Variants in TENM3 observed in about 807,000 individuals in gnomAD.
The protein encoded by TENM3 is teneurin-3.
In TENM3, 63 loss-of-function variants were observed where a neutral mutation model predicts 255.1. The observed-to-expected ratio is 0.25, with a 90% confidence interval of 0.20 to 0.30. The LOEUF (loss-of-function observed/expected upper bound fraction) is 0.30, where lower values mean the gene tolerates loss of function less well. Ranked by LOEUF, TENM3 falls within the 10% of genes least tolerant of loss-of-function variation. The pLI, the probability that TENM3 is intolerant of heterozygous loss-of-function variation, is 1.00. For synonymous variants in TENM3, 1,306 were observed against 1,322.3 expected, an observed-to-expected ratio of 0.99 and a Z score of 0.27; for missense variants, 2,929 against 3,461.1, an observed-to-expected ratio of 0.85 and a Z score of 3.86.
intron 7 of TENM3, among the ~76,000 whole-genome samples, chr4:182,678,759 A>G (rs1401603582): frequency 7.2e-6 from 1 of 139,720 alleles, no homozygotes; most frequent in Non-Finnish European, 1.6e-5. Context: ...ATGTTAAATC[A>G]GAGAAGACTG....
At chr4:181,922,321 C>G in the TENM3 span, among the ~76,000 whole-genome samples, 1 of 152,178 alleles carries the variant, frequency 6.6e-6, no homozygotes, top group South Asian at 2.1e-4. Context: ...ACCAATTCCT[C>G]CTTGTACCTC....
At chr4:182,355,267 A>T (rs923679892) in intron 3 of TENM3, among the ~76,000 whole-genome samples, 1 of 152,192 alleles carries the variant, frequency 6.6e-6, no homozygotes, top group Non-Finnish European at 1.5e-5. Context: ...CAAAAGCCAC[A>T]AGGAGTTTGA....
At chr4:182,168,147 T>C (rs1751846139) in intron 1 of TENM3, among the ~76,000 whole-genome samples, 1 of 151,916 alleles carries the variant, frequency 6.6e-6, no homozygotes, top group Non-Finnish European at 1.5e-5. Flanking sequence ...TTCTTTTTTT[T>C]TTTTCGAGAC....
intron 1 of TENM3, among the ~76,000 whole-genome samples, chr4:182,155,329 T>G (rs1750629957): frequency 6.6e-6 from 1 of 152,138 alleles, no homozygotes; most frequent in Admixed American, 6.6e-5. Context: ...ACAGTATAAG[T>G]AATTCTGGTG....
rs552838861 is a variant in TENM3 at position 182,708,671 on chromosome 4, G to A, written c.2222-5416G>A. ...AAATTAGCCAGGTGTGGTGGCGGGC[G>A]CCTGTAGTCCCAGCTACTCAGGAGG... On this transcript the variant is annotated intron_variant, in intron 12 of 27. Transcript: ENST00000511685. Among the ~76,000 whole-genome samples the A allele has an allele frequency of 5.3e-5, 8 of 152,152 alleles. No homozygotes were observed. The East Asian group carries it at 5.9e-4, about 11-fold the overall frequency.
At chr4:182,346,993 C>CGT in intron 3 of TENM3, 64 bp downstream of exon 3, 2 of 1,045,604 alleles carry the variant, frequency 1.9e-6, no homozygotes, top group Non-Finnish European at 2.5e-6. Context: ...TGGTTGACTC[C>CGT]GCGGGGGGGG....
the TENM3 span, among the ~76,000 whole-genome samples, chr4:182,066,711 C>G: frequency 2.6e-5 from 4 of 151,446 alleles, no homozygotes; most frequent in Non-Finnish European, 5.9e-5. Flanking sequence ...GAGATCGAGA[C>G]CGTCCTGGCT....
At chr4:182,094,473 C>G in the TENM3 span, among the ~76,000 whole-genome samples, 4 of 152,286 alleles carry the variant, frequency 2.6e-5, no homozygotes, top group East Asian at 7.7e-4. Flanking sequence ...GTCTCGAACT[C>G]CTGACGTTGT....
rs570081391 is a variant in TENM3, at chr4:182,784,953, C to G, written c.5305-4140C>G. Among the ~76,000 whole-genome samples the G allele has an allele frequency of 4.6e-5, 7 of 152,326 alleles. No individual in the cohort carries two copies. The East Asian group carries it at 1.4e-3, about 29-fold the overall frequency. On this transcript the variant is annotated intron_variant, in intron 24 of 27. Coordinates refer to ENST00000511685, the MANE Select transcript of TENM3 (RefSeq NM_001080477.4). Reference sequence around the variant, plus strand: ...GCACCCACTGACCTGCGCCCACTGTCTGGCACTCCCTAGTGGGATGAACCC... The same window carrying G: ...GCACCCACTGACCTGCGCCCACTGTGTGGCACTCCCTAGTGGGATGAACCC...
chr4:181,619,756 C>T, the TENM3 span, among the ~76,000 whole-genome samples: 85 of 152,184 alleles, frequency 5.6e-4, no homozygotes, highest in Middle Eastern at 6.8e-3. Flanking sequence ...CAAATCAATG[C>T]GCATGTCAAC....
intron 12 of TENM3, among the ~76,000 whole-genome samples, chr4:182,691,217 G>C (rs1756983465): frequency 6.6e-6 from 1 of 152,240 alleles, no homozygotes; most frequent in South Asian, 2.1e-4. Flanking sequence ...GATGGTTACT[G>C]TTCTTGCATT....
At chr4:181,994,124 A>C in the TENM3 span, among the ~76,000 whole-genome samples, 3 of 152,186 alleles carry the variant, frequency 2.0e-5, no homozygotes, top group Non-Finnish European at 4.4e-5. Context: ...CACAATTGTA[A>C]AGTTGTAATG....
chr4:182,321,867 C>G (rs528653138), intron 1 of TENM3, among the ~76,000 whole-genome samples: 46 of 151,930 alleles, frequency 3.0e-4, no homozygotes, highest in African/African-American at 1.0e-3. Context: ...ATCACTTGAA[C>G]CCAGGAGGCG....
At chr4:182,126,333 C>T in the TENM3 span, among the ~76,000 whole-genome samples, 1 of 152,292 alleles carries the variant, frequency 6.6e-6, no homozygotes, top group South Asian at 2.1e-4. Context: ...TTCTCCACCA[C>T]ACCTAGGGCT....
chr4:182,334,199 CTA>C (rs1763956842), intron 2 of TENM3, among the ~76,000 whole-genome samples: 1 of 152,046 alleles, frequency 6.6e-6, no homozygotes, highest in African/African-American at 2.4e-5. Context: ...GCAACAGACA[CTA>C]TAAAATTCTT....
the TENM3 span, among the ~76,000 whole-genome samples, chr4:182,111,409 C>T: frequency 3.3e-5 from 5 of 152,082 alleles, no homozygotes; most frequent in African/African-American, 4.8e-5. Context: ...CATAAGAACT[C>T]CTCTGGTGCC....
At chr4:181,998,649 G>A in the TENM3 span, among the ~76,000 whole-genome samples, 1 of 152,024 alleles carries the variant, frequency 6.6e-6, no homozygotes. Context: ...CCTAGATGTT[G>A]AGACCAATTT....
At chr4:182,456,867 C>T (rs542540171) in intron 3 of TENM3, among the ~76,000 whole-genome samples, 2 of 152,088 alleles carry the variant, frequency 1.3e-5, no homozygotes, top group Non-Finnish European at 2.9e-5. Context: ...CTCTCTTGCT[C>T]CATCTTCATC....
the TENM3 span, among the ~76,000 whole-genome samples, chr4:181,957,231 C>G: frequency 6.6e-6 from 1 of 152,170 alleles, no homozygotes; most frequent in Non-Finnish European, 1.5e-5. Context: ...CCATAGAGCA[C>G]TAAGCCCTGG....
Sources: gnomAD v4.1 joint callset for allele counts (sites outside exome capture counted in the v4.1 genomes callset) on GRCh38, gnomAD v4.1.1 for gene constraint, MANE v1.5 for transcripts, NCBI Gene and HGNC (gene_info 2026-07-23, HGNC 2026-07-21) for gene names.